VIPAS39: variants seen among roughly 807,000 people sequenced by gnomAD.
The protein encoded by VIPAS39 is spermatogenesis-defective protein 39 homolog.
A neutral mutation model predicts 84.7 loss-of-function variants in VIPAS39; 63 were observed. The observed-to-expected ratio is 0.74, with a 90% CI of 0.61 to 0.92. VIPAS39 has a LOEUF of 0.92. Ranked by LOEUF, VIPAS39 falls within the 40% of genes least tolerant of loss-of-function variation. VIPAS39 has a pLI of 0.00. For synonymous variants in VIPAS39, 192 were observed against 216.5 expected, an observed-to-expected ratio of 0.89 and a Z score of 0.99; for missense variants, 499 against 604.5, an observed-to-expected ratio of 0.83 and a Z score of 1.83.
At chr14:77,431,539 T>C (rs1345361002) in intron 16 of VIPAS39, among the ~76,000 whole-genome samples, 1 of 151,942 alleles carries the variant, frequency 6.6e-6, no homozygotes, top group Non-Finnish European at 1.5e-5. Context: ...AGCAAGGGTG[T>C]GGGGAAAGGG....
At chr14:77,442,980 G>C in intron 9 of VIPAS39, 139 bp downstream of exon 9, 1 of 1,113,556 alleles carries the variant, frequency 9.0e-7, no homozygotes, top group Non-Finnish European at 1.3e-6. Context: ...TGTGATTTGT[G>C]CTCTGAAGTC....
chr14:77,437,598 C>T (rs1566727170), intron 12 of VIPAS39, among the ~76,000 whole-genome samples: 1 of 151,422 alleles, frequency 6.6e-6, no homozygotes, highest in African/African-American at 2.4e-5. Context: ...CTACATTTGT[C>T]TTTTTTTTTC....
chr14:77,449,312 C>G lies in VIPAS39; in HGVS notation c.428G>C (p.Arg143Thr), dbSNP rs1357691727. Reference protein sequence around the residue: ...PAKSYAPELGRPKGEYRDYSN... With the variant: ...PAKSYAPELGTPKGEYRDYSN... ...ACTCACCCTATACTCCCCTTTGGGT[C>G]TCCCCAGCTCTGGAGCATAGCTTTT... The change falls in exon 6 of 20, where the codon AGA becomes ACA. Residue 143 changes from arginine to threonine, a missense_variant. By Grantham distance (71) the Arg-to-Thr change is moderately conservative. Coordinates refer to ENST00000557658, the MANE Select transcript of VIPAS39 (RefSeq NM_001193315.2). 4 of 1,614,094 alleles carry G rather than the reference C, an allele frequency of 2.5e-6. No individual in the cohort carries two copies. Among genetic ancestry groups the G allele is most frequent in the South Asian group, 1.1e-5 (1 of 91,090 alleles).
chr14:77,428,995 T>C lies in VIPAS39; in HGVS notation c.1356+11A>G, dbSNP rs533886198. Reference sequence around the variant, plus strand: ...GATCTAACGGAGGACTCCCATTTCTTGGGGACTCACATCAATGACGACATC... The same window carrying C: ...GATCTAACGGAGGACTCCCATTTCTCGGGGACTCACATCAATGACGACATC... On this transcript the variant is annotated intron_variant, in intron 18 of 19. Transcript: ENST00000557658. 6.8e-6 allele frequency: 11 copies of C among 1,612,864 alleles called. No individual in the cohort carries two copies. The South Asian group carries it at 1.1e-4, about 16-fold the overall frequency.
intron 13 of VIPAS39, 102 bp downstream of exon 13, chr14:77,435,742 C>T (rs1376875359): frequency 1.5e-6 from 2 of 1,303,462 alleles, no homozygotes; most frequent in Non-Finnish European, 2.2e-6. Context: ...TTTTAGAAAC[C>T]AGTAAGAAAT....
Position 77,457,463 on chromosome 14 carries a change from T to G in VIPAS39, c.-1+32A>C. The G allele has an allele frequency of 3.4e-6, 5 of 1,473,636 alleles. No individual in the cohort carries two copies. In the South Asian group the frequency reaches 6.1e-5, roughly 18 times the overall value. The allele number at this position is 1,473,636 out of a possible 1,614,324, so 91.3% of individuals were successfully genotyped here. On this transcript the variant is annotated intron_variant, in intron 1 of 19. Transcript: ENST00000557658. ...TGCGGAGAGGCTGGATCCAGCCAGA[T>G]ACGCGACCCAAGGGGCTTGGGACAC...
Position 77,427,449 on chromosome 14 carries a change from T to C in VIPAS39, c.*167A>G, listed in dbSNP as rs1303101505. ...ATCTCGATCCTCAGATGATGTTCCT[T>C]GGACAGAAGATCAGTCTGAAGTTAT... On this transcript the variant is annotated 3_prime_UTR_variant, in exon 20 of 20. Coordinates refer to ENST00000557658, the MANE Select transcript of VIPAS39 (RefSeq NM_001193315.2). 1.3e-6 allele frequency: 1 copy of C among 745,998 alleles called. No homozygotes were observed. The highest frequency in any genetic ancestry group is 2.3e-6 in the Non-Finnish European group (1 of 439,162). The allele number at this position is 745,998 out of a possible 1,614,324, so 46.2% of individuals were successfully genotyped here.
chr14:77,449,414 C>T lies in VIPAS39; in HGVS notation c.383-57G>A, dbSNP rs375790240. Reference sequence around the variant, plus strand: ...GCACCATGAATCCTGCTTGTCATTCCTTCCCTCTACTTCTTCGTTCTCACA... The same window carrying T: ...GCACCATGAATCCTGCTTGTCATTCTTTCCCTCTACTTCTTCGTTCTCACA... On this transcript the variant is annotated intron_variant, in intron 5 of 19. Coordinates refer to ENST00000557658, the MANE Select transcript of VIPAS39 (RefSeq NM_001193315.2). 8 of 1,594,052 alleles carry T rather than the reference C, an allele frequency of 5.0e-6. No individual in the cohort carries two copies. In the Admixed American group the frequency reaches 1.2e-4, roughly 23 times the overall value.
chr14:77,439,180 C>T (rs1160659836), intron 11 of VIPAS39, among the ~76,000 whole-genome samples: 2 of 152,120 alleles, frequency 1.3e-5, no homozygotes, highest in Non-Finnish European at 2.9e-5. Flanking sequence ...AACTCAAAAT[C>T]TATATACAAC....
At chr14:77,455,543 G>A (rs2078948045) in intron 1 of VIPAS39, among the ~76,000 whole-genome samples, 1 of 152,130 alleles carries the variant, frequency 6.6e-6, no homozygotes, top group African/African-American at 2.4e-5. Context: ...GGATTAGAAT[G>A]AAAACTATGA....
intron 5 of VIPAS39, 109 bp downstream of exon 5, chr14:77,449,605 A>G: frequency 7.0e-7 from 1 of 1,437,528 alleles, no homozygotes; most frequent in Non-Finnish European, 9.8e-7. Context: ...CAGTAGATGC[A>G]GAAGAAAGTT....
In VIPAS39 at chr14:77,441,113, A is replaced by G. The variant is rs745888125; in HGVS notation, c.735-20T>C. On this transcript the variant is annotated intron_variant, in intron 10 of 19. Coordinates refer to ENST00000557658, the MANE Select transcript of VIPAS39 (RefSeq NM_001193315.2). ...AGGAACCTGGGAAGAAGCAGAAGGG[A>G]GCAGGGCATTTGTATCTATTGATGT... 8 of 1,612,320 alleles carry G rather than the reference A, an allele frequency of 5.0e-6. No individual in the cohort carries two copies. Among genetic ancestry groups the G allele is most frequent in the Non-Finnish European group, 6.8e-6 (8 of 1,179,486 alleles).
chr14:77,449,966 A>G (rs2078856283), intron 4 of VIPAS39, among the ~76,000 whole-genome samples: 1 of 152,200 alleles, frequency 6.6e-6, no homozygotes, highest in Non-Finnish European at 1.5e-5. Flanking sequence ...TACATAACAA[A>G]ATTTACCATT....
rs368262067 is a variant in VIPAS39 at position 77,453,386 on chromosome 14, G to A, written c.109C>T (p.Arg37Trp). The A allele has an allele frequency of 2.6e-5, 42 of 1,613,908 alleles. No individual in the cohort carries two copies. The highest frequency in any genetic ancestry group is 4.0e-5 in the African/African-American group (3 of 74,864). Residue 37 changes from arginine (R) to tryptophan (W), a missense_variant, in exon 3 of 20, where the codon CGG becomes TGG. By Grantham distance (101) the Arg-to-Trp change is moderately radical (BLOSUM62 -3). Transcript: ENST00000557658. ...AAGTCTCGGAGGCTGTTCACCGCCC[G>A]CTTGGACTCCTTTAACTGCAGAGGG... Reference protein sequence around the residue: ...DELSQLKESKRAVNSLRDFVD... With the variant: ...DELSQLKESKWAVNSLRDFVD...
At position 77,444,250 on chromosome 14, in the gene VIPAS39, G is replaced by A; in HGVS notation, c.596C>T (p.Ala199Val). The change falls in exon 8 of 20, where the codon GCA becomes GTA. Residue 199 changes from alanine to valine, a missense_variant and splice_region_variant. By Grantham distance (64) the Ala-to-Val change is moderately conservative. Coordinates refer to ENST00000557658, the MANE Select transcript of VIPAS39 (RefSeq NM_001193315.2). The stretch of plus-strand genomic sequence containing the variant: ...ACAACAACAAATCCGACAACTCACT[G>A]CAGTAATGACGTTTCCATCATGCAT... ...VSMHDGNVIT[A>V]VLIFLKRTLS... 1 of 1,613,086 alleles carries A rather than the reference G, an allele frequency of 6.2e-7. No homozygotes were observed. The highest frequency in any genetic ancestry group is 1.3e-5 in the African/African-American group (1 of 75,040).
intron 1 of VIPAS39, among the ~76,000 whole-genome samples, chr14:77,456,064 C>G (rs2078955587): frequency 6.6e-6 from 1 of 152,170 alleles, no homozygotes; most frequent in African/African-American, 2.4e-5. Context: ...CACAGGGTTG[C>G]AGGGAACATC....
intron 4 of VIPAS39, 24 bp from the exon 5 acceptor site, chr14:77,449,776 G>A (rs921172869): frequency 1.9e-5 from 30 of 1,613,864 alleles, no homozygotes; most frequent in Non-Finnish European, 2.4e-5. Flanking sequence ...ACACAAGAGG[G>A]AAAAGGTCAA....
intron 1 of VIPAS39, 49 bp downstream of exon 1, chr14:77,457,446 G>C (rs2078979187): frequency 6.6e-7 from 1 of 1,517,368 alleles, no homozygotes; most frequent in Non-Finnish European, 8.8e-7. Flanking sequence ...GATGCGGAGA[G>C]GCTGGATCCA....
chr14:77,427,656 T>C lies in VIPAS39; in HGVS notation c.1462-20A>G, dbSNP rs776684810. The stretch of plus-strand genomic sequence containing the variant: ...AATTTGCTGTGGAAAGAGGAAACAA[T>C]GAAAGTGTGTGATCAGTTTTCACTT... On this transcript the variant is annotated intron_variant, in intron 19 of 19. Coordinates refer to ENST00000557658, the MANE Select transcript of VIPAS39 (RefSeq NM_001193315.2). 1 of 1,614,036 alleles carries C rather than the reference T, an allele frequency of 6.2e-7. No individual in the cohort carries two copies. Among genetic ancestry groups the C allele is most frequent in the Non-Finnish European group, 8.5e-7 (1 of 1,180,012 alleles).
Sources: gnomAD v4.1 joint callset for allele counts (sites outside exome capture counted in the v4.1 genomes callset) on GRCh38, gnomAD v4.1.1 for gene constraint, MANE v1.5 for transcripts, NCBI Gene and HGNC (gene_info 2026-07-23, HGNC 2026-07-21) for gene names.